Variants in NIN observed in about 807,000 individuals in gnomAD.
NIN encodes the protein glycogen synthase kinase 3 beta-interacting protein.
A neutral mutation model predicts 257.6 loss-of-function variants in NIN; 137 were observed. The observed-to-expected ratio is 0.53, with a 90% confidence interval of 0.46 to 0.61. The LOEUF is 0.61. NIN is among the 20% of genes least tolerant of loss of function. NIN has a pLI of 0.00. For synonymous variants in NIN, 918 were observed against 919.8 expected (o/e 1.00, Z 0.04); for missense variants, 2,439 against 2,501.2 (o/e 0.98, Z 0.53).
At chr14:50,779,148 C>T (rs1218248074) in intron 5 of NIN, among the ~76,000 whole-genome samples, 1 of 152,190 alleles carries the variant, frequency 6.6e-6, no homozygotes, top group Non-Finnish European at 1.5e-5. Context: ...TGTACACATG[C>T]ATTTATGAAT....
intron 21 of NIN, 130 bp from the exon 22 acceptor site, chr14:50,748,235 T>C (rs2041639207): frequency 1.7e-6 from 1 of 585,416 alleles, no homozygotes; most frequent in Admixed American, 2.9e-5. Flanking sequence ...TGACCATTTT[T>C]TATCGTAAAA....
intron 22 of NIN, among the ~76,000 whole-genome samples, chr14:50,746,765 T>A (rs1045043565): frequency 6.6e-6 from 1 of 152,136 alleles, no homozygotes. Context: ...AGGATGCAAA[T>A]TGTTTTTTTC....
chr14:50,770,663 C>T, intron 11 of NIN, 101 bp from the exon 12 acceptor site: 1 of 1,432,984 alleles, frequency 7.0e-7, no homozygotes, highest in Non-Finnish European at 9.5e-7. Flanking sequence ...ATGAAAAGCA[C>T]CTGGATAAAA....
At position 50,721,412 on chromosome 14, in the gene NIN, A is replaced by C. The variant is rs1285937979; in HGVS notation, c.*2051T>G. The C allele has an allele frequency of 4.6e-6, 1 of 215,890 alleles. No individual in the cohort carries two copies. Among genetic ancestry groups the C allele is most frequent in the Non-Finnish European group, 9.3e-6 (1 of 107,170 alleles). The allele number at this position is 215,890 out of a possible 1,614,324, so 13.4% of individuals were successfully genotyped here. A position where few individuals can be genotyped will look rare whatever the true frequency, so the allele number is the denominator to read the frequency against. On this transcript the variant is annotated 3_prime_UTR_variant, in exon 31 of 31. Coordinates refer to ENST00000530997, the MANE Select transcript of NIN (RefSeq NM_020921.4). ...AATTAAAAATACAACAACCGTGATCACATGCTAAGGCCAGCTATCTGGGAA... is the reference window on the plus strand; with the variant it reads ...AATTAAAAATACAACAACCGTGATCCCATGCTAAGGCCAGCTATCTGGGAA...
intron 3 of NIN, among the ~76,000 whole-genome samples, chr14:50,815,474 T>C (rs1244529792): frequency 1.3e-5 from 2 of 152,190 alleles, no homozygotes; most frequent in Non-Finnish European, 2.9e-5. Flanking sequence ...TTGCGGAAGA[T>C]AGTGTGGTGA....
Position 50,754,847 on chromosome 14 carries a change from T to G in NIN, c.4559A>C (p.Gln1520Pro). The G allele has an allele frequency of 6.3e-7, 1 of 1,575,496 alleles. No individual in the cohort carries two copies. The highest frequency in any genetic ancestry group is 2.0e-5 in the Admixed American group (1 of 50,550). The change falls in exon 19 of 31, where the codon CAA becomes CCA. Residue 1520 changes from glutamine to proline, a missense_variant. Gln to Pro is a moderately conservative substitution (Grantham distance 76). Around this residue, in one of 3 missense-constraint regions of NIN, gnomAD observed 2,043 missense variants for 2,050.2 expected, o/e 1.00. Coordinates refer to ENST00000530997, the MANE Select transcript of NIN (RefSeq NM_020921.4). ...ELLRYESEKLQQENSILRNEI... is the reference protein window; with the variant it reads ...ELLRYESEKLPQENSILRNEI... ...ATTTCTCAAAATAGAATTTTCCTGT[T>G]GAAGCTTTTCAGATTCATATCTGAA...
chr14:50,749,449 T>TA (rs1476790916), intron 21 of NIN, among the ~76,000 whole-genome samples: 2 of 152,240 alleles, frequency 1.3e-5, no homozygotes, highest in African/African-American at 4.8e-5. Flanking sequence ...TTCTCCACTG[T>TA]AAAATTACTG....
At chr14:50,728,100 G>A (rs1235766619) in intron 29 of NIN, among the ~76,000 whole-genome samples, 1 of 151,874 alleles carries the variant, frequency 6.6e-6, no homozygotes, top group African/African-American at 2.4e-5. Context: ...AATCCTGAAG[G>A]AATTGGAGGA....
chr14:50,751,557 T>C (rs1479688149), intron 21 of NIN, among the ~76,000 whole-genome samples: 1 of 152,212 alleles, frequency 6.6e-6, no homozygotes, highest in African/African-American at 2.4e-5. Context: ...TTGAGGGCCA[T>C]TTTAATAATT....
chr14:50,811,334 C>T (rs1367368923), intron 3 of NIN, among the ~76,000 whole-genome samples: 1 of 151,784 alleles, frequency 6.6e-6, no homozygotes, highest in Admixed American at 6.6e-5. Context: ...GTCTCAAACT[C>T]CTGACCTCAG....
intron 24 of NIN, 74 bp downstream of exon 24, chr14:50,743,342 T>G: frequency 1.0e-6 from 1 of 996,382 alleles, no homozygotes; most frequent in South Asian, 1.3e-5. Flanking sequence ...TGGAACACTC[T>G]TTTTACCGGG....
rs757719130 is a variant in NIN at position 50,821,903 on chromosome 14, T to C, written c.154A>G (p.Thr52Ala). Residue 52 changes from threonine to alanine, a missense_variant, in exon 3 of 31, where the codon ACA becomes GCA. Thr to Ala is a moderately conservative substitution (Grantham distance 58). Transcript: ENST00000530997. ...CCCAAGAGGTTGTCCTGAAGTAATG[T>C]CTGCTGCAGCACTGGGGCCACCTCC... ...LEEVAPVLQQ[T>A]LLQDNLLGRV... 1 of 1,614,060 alleles carries C rather than the reference T, an allele frequency of 6.2e-7. No homozygotes were observed. The highest frequency in any genetic ancestry group is 8.5e-7 in the Non-Finnish European group (1 of 1,179,988).
At chr14:50,725,716 T>C in intron 30 of NIN, 1 of 633,120 alleles carries the variant, frequency 1.6e-6, no homozygotes, top group South Asian at 2.4e-5. Context: ...AGCAAAGATT[T>C]ACACTTTTAA....
chr14:50,723,890 TTA>T (rs2040321165), intron 30 of NIN: 4 of 530,838 alleles, frequency 7.5e-6, no homozygotes, highest in East Asian at 6.4e-5. Context: ...CATGAGATGT[TTA>T]TGTCAGTTAC....
In NIN at chr14:50,735,549, C is replaced by A. The variant is rs1055883; in HGVS notation, c.5844G>T (p.Lys1948Asn). The change falls in exon 28 of 31, where the codon AAG (lysine) becomes AAT (asparagine). Residue 1948 changes from lysine to asparagine, a missense_variant. By Grantham distance (94) the Lys-to-Asn change is moderately conservative (BLOSUM62 0). Coordinates refer to ENST00000530997, the MANE Select transcript of NIN (RefSeq NM_020921.4). ...TIHLENEGLKKKQVKLDEQLM... is the reference protein window; with the variant it reads ...TIHLENEGLKNKQVKLDEQLM... ...GCTGCTCATCCAGTTTTACTTGTTT[C>A]TTTTTCAGGCCTTCATTTTCCAAAT... The A allele has an allele frequency of 6.2e-7, 1 of 1,613,068 alleles. No homozygotes were observed. Among genetic ancestry groups the A allele is most frequent in the South Asian group, 1.1e-5 (1 of 91,070 alleles).
At chr14:50,826,826 T>G (rs988336872) in intron 2 of NIN, among the ~76,000 whole-genome samples, 1 of 152,220 alleles carries the variant, frequency 6.6e-6, no homozygotes, top group Non-Finnish European at 1.5e-5. Flanking sequence ...GTTCAGCAGC[T>G]GAAGAGCTCT....
rs1351841602 is a variant in NIN, at chr14:50,747,974, A to G, written c.5064+18T>C. ...ACATATTGTTCTGTGAACCCCCCTT[A>G]GCTGCACACAGCCTTACCTGTTTCA... On this transcript the variant is annotated intron_variant, in intron 22 of 30. Transcript: ENST00000530997. The G allele has an allele frequency of 6.5e-7, 1 of 1,534,184 alleles. No homozygotes were observed. Among genetic ancestry groups the G allele is most frequent in the Non-Finnish European group, 9.0e-7 (1 of 1,107,180 alleles).
chr14:50,733,475 C>T (rs924746722), intron 28 of NIN, among the ~76,000 whole-genome samples: 2 of 150,732 alleles, frequency 1.3e-5, no homozygotes, highest in African/African-American at 5.0e-5. Flanking sequence ...ATAGAAAAAT[C>T]CATGCTTTTT....
At chr14:50,748,358 C>T (rs986073357) in intron 21 of NIN, among the ~76,000 whole-genome samples, 1 of 152,196 alleles carries the variant, frequency 6.6e-6, no homozygotes, top group Non-Finnish European at 1.5e-5. Context: ...GACAAACCCA[C>T]AGCCAGTATC....
Sources: gnomAD v4.1 joint callset for allele counts (sites outside exome capture counted in the v4.1 genomes callset) on GRCh38, gnomAD v4.1.1 for gene constraint, gnomAD v4.1.1 regional missense constraint, MANE v1.5 for transcripts, NCBI Gene and HGNC (gene_info 2026-07-23, HGNC 2026-07-21) for gene names.